EIF2AK4: variants seen among roughly 807,000 people sequenced by gnomAD.
EIF2AK4 encodes eIF-2-alpha kinase GCN2.
A neutral mutation model predicts 211.1 loss-of-function variants in EIF2AK4; 139 were observed. The observed-to-expected ratio is 0.66, with a 90% CI of 0.57 to 0.76. EIF2AK4 has a LOEUF of 0.76. EIF2AK4 is among the 30% of genes least tolerant of loss of function. The pLI is 0.00. For missense variants in EIF2AK4, 1,664 were observed against 2,043.8 expected, an observed-to-expected ratio of 0.81 and a Z score of 3.58; for synonymous variants, 710 against 751.3, an observed-to-expected ratio of 0.94 and a Z score of 0.90.
chr15:39,968,071 A>G (rs1206916603), intron 9 of EIF2AK4, among the ~76,000 whole-genome samples, 192 bp downstream of exon 9: 1 of 152,214 alleles, frequency 6.6e-6, no homozygotes, highest in African/African-American at 2.4e-5. Flanking sequence ...CTTAACTACC[A>G]CATTCTCTGA....
intron 6 of EIF2AK4, among the ~76,000 whole-genome samples, chr15:39,960,615 G>C (rs1476900238): frequency 6.6e-6 from 1 of 152,192 alleles, no homozygotes; most frequent in East Asian, 1.9e-4. Flanking sequence ...ATGAGGAACA[G>C]GATGGGGCGG....
intron 3 of EIF2AK4, among the ~76,000 whole-genome samples, chr15:39,943,971 A>ATAG (rs142993343): frequency 3.3e-5 from 5 of 151,832 alleles, no homozygotes; most frequent in African/African-American, 1.2e-4. Flanking sequence ...AAAAAGAAAA[A>ATAG]AAGAAGAAGA....
chr15:39,990,405 C>A, intron 16 of EIF2AK4, 28 bp downstream of exon 16: 1 of 1,572,232 alleles, frequency 6.4e-7, no homozygotes, highest in South Asian at 1.1e-5. Flanking sequence ...TAGACTGTAC[C>A]TAAAAACAGA....
chr15:40,029,402 T>A lies in EIF2AK4; in HGVS notation c.4503-4T>A. 6.2e-7 allele frequency: 1 copy of A among 1,612,750 alleles called. No homozygotes were observed. ...TTTAATTGTTTTTGTTTGCTTGTTT[T>A]TAGAGAAGCTTCCGATAATCTTGCA... is the stretch of plus-strand genomic sequence containing the variant. On this transcript the variant is annotated splice_polypyrimidine_tract_variant and splice_region_variant and intron_variant, in intron 33 of 38. Transcript: ENST00000263791.
chr15:39,976,705 ATCC>A lies in EIF2AK4; in HGVS notation c.2113_2115del (p.Leu705del), dbSNP rs1349826677. ...CGTAGAGGCCGCCGCGCCGCCACCC[ATCC>A]TCAGCAGCTCGGTGGAGTGGAGCAC... On this transcript the variant is annotated inframe_deletion, in exon 12 of 39. Transcript: ENST00000263791. The A allele has an allele frequency of 6.9e-6, 11 of 1,601,876 alleles. 1 individual carries two copies. The Admixed American group carries it at 1.2e-4, about 17-fold the overall frequency.
At chr15:39,937,151 C>T (rs1387225499) in intron 1 of EIF2AK4, among the ~76,000 whole-genome samples, 2 of 152,154 alleles carry the variant, frequency 1.3e-5, no homozygotes, top group African/African-American at 4.8e-5. Flanking sequence ...TCCACAGCAG[C>T]AAAAGGTCTG....
In EIF2AK4 at chr15:40,008,281, C is replaced by T. The variant is rs572871483; in HGVS notation, c.3576+86C>T. The T allele has an allele frequency of 1.8e-5, 22 of 1,194,826 alleles. 1 individual carries two copies. In the South Asian group the frequency reaches 3.3e-4, roughly 18 times the overall value. The allele number at this position is 1,194,826 out of a possible 1,614,324, so 74.0% of individuals were successfully genotyped here. A position where few individuals can be genotyped will look rare whatever the true frequency, so the allele number is the denominator to read the frequency against. ...GGGGAAAACCACAGCTACAGACCTG[C>T]TTCTCAGTCTGTCCTGCAGATGAAT... is the stretch of plus-strand genomic sequence containing the variant. On this transcript the variant is annotated intron_variant, in intron 25 of 38. Transcript: ENST00000263791.
chr15:39,935,200 C>T (rs1296784608), intron 1 of EIF2AK4, among the ~76,000 whole-genome samples: 1 of 152,122 alleles, frequency 6.6e-6, no homozygotes, highest in Admixed American at 6.5e-5. Flanking sequence ...AATATTTTGC[C>T]TTTTTGTCTG....
intron 7 of EIF2AK4, 112 bp from the exon 8 acceptor site, chr15:39,965,574 T>C: frequency 8.3e-7 from 1 of 1,211,480 alleles, no homozygotes; most frequent in Non-Finnish European, 1.2e-6. Flanking sequence ...TTTCCATAGT[T>C]AGCGCATGGT....
At chr15:40,032,633 T>C in intron 36 of EIF2AK4, 124 bp from the exon 37 acceptor site, 1 of 830,486 alleles carries the variant, frequency 1.2e-6, no homozygotes, top group East Asian at 2.6e-5. Flanking sequence ...TTAAGCCCTT[T>C]TACAGCACAA....
intron 11 of EIF2AK4, 146 bp from the exon 12 acceptor site, chr15:39,976,268 T>A: frequency 1.2e-6 from 1 of 806,644 alleles, no homozygotes; most frequent in Non-Finnish European, 1.8e-6. Flanking sequence ...TTTCTTCAGT[T>A]TAAGAATTTC....
intron 27 of EIF2AK4, among the ~76,000 whole-genome samples, chr15:40,013,888 A>T (rs1376781644): frequency 1.3e-5 from 2 of 152,190 alleles, no homozygotes; most frequent in Middle Eastern, 3.2e-3. Flanking sequence ...GCATTAACTC[A>T]AAAGTCCACA....
rs1025369046 is a variant in EIF2AK4, at chr15:40,035,223, A to T, written c.*139A>T. On this transcript the variant is annotated 3_prime_UTR_variant, in exon 39 of 39. Transcript: ENST00000263791. Reference sequence around the variant, plus strand: ...AGTGGCTCACACCTTTAATCCCAGCACTTTGGGAAGCCAAGGCAGGAAGAC... The same window carrying T: ...AGTGGCTCACACCTTTAATCCCAGCTCTTTGGGAAGCCAAGGCAGGAAGAC... 1.7e-6 allele frequency: 1 copy of T among 590,054 alleles called. No homozygotes were observed. Among genetic ancestry groups the T allele is most frequent in the Non-Finnish European group, 2.6e-6 (1 of 385,660 alleles). 36.6% of individuals were successfully genotyped at this position (590,054 alleles called of 1,614,324 possible).
At chr15:39,976,881 C>T (rs753883109) in intron 12 of EIF2AK4, 37 bp downstream of exon 12, 8 of 1,431,066 alleles carry the variant, frequency 5.6e-6, no homozygotes, top group Non-Finnish European at 7.3e-6. Flanking sequence ...CTCTGATGCG[C>T]CCCCTAGTTT....
chr15:39,990,413 A>G, intron 16 of EIF2AK4, 36 bp downstream of exon 16: 1 of 1,545,246 alleles, frequency 6.5e-7, no homozygotes, highest in Non-Finnish European at 8.9e-7. Flanking sequence ...ACCTAAAAAC[A>G]GACTCAGATG....
At chr15:40,028,085 T>TA (rs2035488882) in intron 33 of EIF2AK4, among the ~76,000 whole-genome samples, 1 of 151,740 alleles carries the variant, frequency 6.6e-6, no homozygotes, top group African/African-American at 2.4e-5. Flanking sequence ...ACTCCTTTTT[T>TA]TTTTTTTGAG....
intron 1 of EIF2AK4, 34 bp downstream of exon 1, chr15:39,934,373 T>C (rs2034032105): frequency 6.3e-7 from 1 of 1,580,080 alleles, no homozygotes; most frequent in Middle Eastern, 1.7e-4. Flanking sequence ...CGGGCTGGCG[T>C]GCCCTGGCCT....
chr15:40,026,000 GCAGA>G lies in EIF2AK4; in HGVS notation c.4418_4421del (p.Thr1473ArgfsTer17), dbSNP rs745339673. On this transcript the variant is annotated frameshift_variant, in exon 33 of 39. Coordinates refer to ENST00000263791, the MANE Select transcript of EIF2AK4 (RefSeq NM_001013703.4). LOFTEE classifies it high-confidence loss of function. ...AGGTTAAGTCTTTCGAGAAGGAAAG[GCAGA>G]CAGAGAAGCGTGTGCTGGAGACTGA... The G allele has an allele frequency of 2.5e-6, 4 of 1,614,026 alleles. No homozygotes were observed. The highest frequency in any genetic ancestry group is 4.5e-5 in the East Asian group (2 of 44,908).
chr15:39,948,650 A>G (rs529184944), intron 3 of EIF2AK4, among the ~76,000 whole-genome samples: 2 of 152,190 alleles, frequency 1.3e-5, no homozygotes, highest in Non-Finnish European at 2.9e-5. Flanking sequence ...TACTCCCAAC[A>G]ATATTTTCAG....
Sources: allele counts gnomAD v4.1 joint callset (sites outside exome capture counted in the v4.1 genomes callset), GRCh38; gene constraint gnomAD v4.1.1; transcripts MANE v1.5; gene names NCBI Gene and HGNC (gene_info 2026-07-23, HGNC 2026-07-21).